The following SLC2A2 variants were observed in gnomAD, a reference collection of about 807,000 sequenced individuals.
SLC2A2 encodes solute carrier family 2 member 2.
SLC2A2 carries 36 observed loss-of-function variants against 54.5 expected under a neutral mutation model. The ratio of observed to expected loss-of-function variants is 0.66; its 90% CI spans 0.51 to 0.87. The LOEUF is 0.87. Among genes scored for constraint, SLC2A2 ranks in the 40% least tolerant of loss-of-function variants. The probability of loss-of-function intolerance (pLI) is 0.00; values close to 1 mark genes in which losing one functional copy is unlikely to be tolerated. For synonymous variants in SLC2A2, 223 were observed against 219.1 expected, an observed-to-expected ratio of 1.02 and a Z score of -0.16; for missense variants, 543 against 624.3, an observed-to-expected ratio of 0.87 and a Z score of 1.39.
At chr3:171,014,867 T>A (rs1325551248) in intron 2 of SLC2A2, 136 bp from the exon 3 acceptor site, 1 of 723,168 alleles carries the variant, frequency 1.4e-6, no homozygotes, top group African/African-American at 1.8e-5. Context: ...CATGGATAGA[T>A]TTGTTTACAG....
chr3:171,014,045 T>A (rs1716013087), intron 3 of SLC2A2, among the ~76,000 whole-genome samples: 1 of 152,202 alleles, frequency 6.6e-6, no homozygotes, highest in African/African-American at 2.4e-5. Flanking sequence ...CTGATCCGAA[T>A]GCCAAATTCT....
At chr3:171,008,114 C>G (rs1715696058) in intron 4 of SLC2A2, among the ~76,000 whole-genome samples, 2 of 152,080 alleles carry the variant, frequency 1.3e-5, no homozygotes, top group African/African-American at 4.8e-5. Flanking sequence ...ATTTTCTTAA[C>G]TATTTAAAAA....
Position 171,018,515 on chromosome 3 carries a change from T to C in SLC2A2, c.108+16A>G, listed in dbSNP as rs755762117. 4.5e-6 allele frequency: 7 copies of C among 1,561,356 alleles called. No individual in the cohort carries two copies. The Admixed American group carries it at 1.0e-4, about 22-fold the overall frequency. Reference sequence around the variant, plus strand: ...CAGAACTTGCCAAAAAGAGAACTTCTACATATTTCACTTGCCTGTTGAGGT... The same window carrying C: ...CAGAACTTGCCAAAAAGAGAACTTCCACATATTTCACTTGCCTGTTGAGGT... On this transcript the variant is annotated intron_variant, in intron 2 of 10. Transcript: ENST00000314251.
At chr3:171,023,213 C>T (rs1489470644) in intron 1 of SLC2A2, among the ~76,000 whole-genome samples, 1 of 152,170 alleles carries the variant, frequency 6.6e-6, no homozygotes, top group Admixed American at 6.5e-5. Flanking sequence ...CCAGGTTGGT[C>T]AGATAAGGAG....
At position 171,009,993 on chromosome 3, in the gene SLC2A2, A is replaced by G; in HGVS notation, c.461T>C (p.Ile154Thr). 1 of 1,611,686 alleles carries G rather than the reference A, an allele frequency of 6.2e-7. No individual in the cohort carries two copies. Among genetic ancestry groups the G allele is most frequent in the Non-Finnish European group, 8.5e-7 (1 of 1,178,828 alleles). Residue 154 changes from isoleucine (I) to threonine (T), a missense_variant, in exon 4 of 11, where the codon ATA (isoleucine) becomes ACA (threonine). Physicochemically the swap from Ile to Thr is moderately conservative, Grantham distance 89 (BLOSUM62 -1). Around this residue, in one of 3 missense-constraint regions of SLC2A2, gnomAD observed 318 missense variants for 343.8 expected, o/e 0.93. Transcript: ENST00000314251. ...FSKLGPSHIL[I>T]IAGRSISGLY... is the part of the protein sequence containing the mutation. ...TCCTGATATGCTTCTTCCAGCAATTATAAGTATATGAGATGGTCCCAATTT... is the reference window on the plus strand; with the variant it reads ...TCCTGATATGCTTCTTCCAGCAATTGTAAGTATATGAGATGGTCCCAATTT...
intron 1 of SLC2A2, among the ~76,000 whole-genome samples, chr3:171,021,291 CT>C (rs1447845825): frequency 7.2e-5 from 11 of 152,182 alleles, no homozygotes; most frequent in Non-Finnish European, 1.2e-4. Context: ...CTTTAACCCA[CT>C]TCCCTCATAC....
intron 1 of SLC2A2, among the ~76,000 whole-genome samples, chr3:171,023,553 G>A (rs544262090): frequency 5.9e-5 from 9 of 152,232 alleles, no homozygotes; most frequent in Admixed American, 2.0e-4. Context: ...AATAAGCCCC[G>A]TCAACCTTCA....
chr3:171,009,947 GTGTGACTT>G lies in SLC2A2; in HGVS notation c.496+3_496+10del, dbSNP rs1461166544. 6.3e-7 allele frequency: 1 copy of G among 1,584,824 alleles called. No individual in the cohort carries two copies. Among genetic ancestry groups the G allele is most frequent in the African/African-American group, 1.4e-5 (1 of 73,968 alleles). On this transcript the variant is annotated splice_donor_5th_base_variant and intron_variant, in intron 4 of 10. Transcript: ENST00000314251. ...TGTGTGTGTGTGTGTGTGTGTGTGT[GTGTGACTT>G]ACCACAATATAGTCCTGATATGCTT...
At position 171,007,273 on chromosome 3, in the gene SLC2A2, A is replaced by G; in HGVS notation, c.497-10T>C. The G allele has an allele frequency of 1.3e-6, 2 of 1,506,164 alleles. No homozygotes were observed. Among genetic ancestry groups the G allele is most frequent in the Non-Finnish European group, 1.8e-6 (2 of 1,082,444 alleles). The allele number at this position is 1,506,164 out of a possible 1,614,324, so 93.3% of individuals were successfully genotyped here. A position where few individuals can be genotyped will look rare whatever the true frequency, so the allele number is the denominator to read the frequency against. ...AGGCCTGAAATTAGCCCTGCATGAA[A>G]CATAAACATAAATGTTAAAGTGCAA... is the stretch of plus-strand genomic sequence containing the variant. On this transcript the variant is annotated splice_polypyrimidine_tract_variant and intron_variant, in intron 4 of 10. Coordinates refer to ENST00000314251, the MANE Select transcript of SLC2A2 (RefSeq NM_000340.2).
intron 7 of SLC2A2, among the ~76,000 whole-genome samples, chr3:171,003,976 A>G (rs1395988918): frequency 6.6e-6 from 1 of 152,004 alleles, no homozygotes; most frequent in Non-Finnish European, 1.5e-5. Flanking sequence ...CCTTTCTAAT[A>G]GCCTTTTAAA....
Position 171,026,699 on chromosome 3 carries a change from A to G in SLC2A2, c.-29T>C. ...ACTAGTTGGGAGTCCTGTCAATTCC[A>G]GGTCTTGTGTGAGTGTGGCACATGC... On this transcript the variant is annotated 5_prime_UTR_variant, in exon 1 of 11. Transcript: ENST00000314251. The G allele has an allele frequency of 6.2e-7, 1 of 1,609,682 alleles. No homozygotes were observed. Among genetic ancestry groups the G allele is most frequent in the East Asian group, 2.2e-5 (1 of 44,864 alleles).
Position 171,018,566 on chromosome 3 carries a change from C to T in SLC2A2, c.73G>A (p.Gly25Arg). Residue 25 changes from glycine to arginine, a missense_variant, in exon 2 of 11, where the codon GGA (glycine) becomes AGA (arginine). Transcript: ENST00000314251. ...GCATTGATCACACCAATGTCATATC[C>T]AAACTGGAAGGAACCCAGCACAGCA... is the stretch of plus-strand genomic sequence containing the variant. ...ITAVLGSFQFGYDIGVINAPQ... is the reference protein window; with the variant it reads ...ITAVLGSFQFRYDIGVINAPQ... 6.2e-7 allele frequency: 1 copy of T among 1,613,978 alleles called. No homozygotes were observed.
chr3:171,004,989 G>T (rs183712858), intron 7 of SLC2A2, among the ~76,000 whole-genome samples: 1 of 151,946 alleles, frequency 6.6e-6, no homozygotes, highest in East Asian at 1.9e-4. Context: ...TTGGGGGAGG[G>T]TTGTATAATT....
chr3:170,999,301 T>C, intron 8 of SLC2A2, 135 bp from the exon 9 acceptor site: 2 of 700,996 alleles, frequency 2.9e-6, no homozygotes, highest in Non-Finnish European at 5.2e-6. Flanking sequence ...CCTTCCATTT[T>C]ACAGGAGTGA....
chr3:170,999,969 C>CAA (rs373829004), intron 8 of SLC2A2, among the ~76,000 whole-genome samples: 151 of 152,032 alleles, frequency 9.9e-4, no homozygotes, highest in African/African-American at 3.5e-3. Flanking sequence ...GGAATATTAC[C>CAA]AAGGCTGGTG....
chr3:170,997,894 G>GTTT lies in SLC2A2; in HGVS notation c.*6_*8dup. 1 of 1,432,986 alleles carries GTTT rather than the reference G, an allele frequency of 7.0e-7. No homozygotes were observed. Among genetic ancestry groups the GTTT allele is most frequent in the South Asian group, 1.2e-5 (1 of 80,014 alleles). The allele number at this position is 1,432,986 out of a possible 1,614,324, so 88.8% of individuals were successfully genotyped here. A position where few individuals can be genotyped will look rare whatever the true frequency, so the allele number is the denominator to read the frequency against. On this transcript the variant is annotated 3_prime_UTR_variant, in exon 11 of 11. Transcript: ENST00000314251. ...GTTTCTGTTCATGTCAAAAAGCAGG[G>GTTT]TTTTTTTTTTACACAGTCTCTGTAG... is the stretch of plus-strand genomic sequence containing the variant.
At position 171,010,052 on chromosome 3, in the gene SLC2A2, CAG is replaced by C; in HGVS notation, c.400_401del (p.Leu134ValfsTer44). 1.2e-6 allele frequency: 2 copies of C among 1,612,732 alleles called. No homozygotes were observed. The highest frequency in any genetic ancestry group is 1.7e-6 in the Non-Finnish European group (2 of 1,179,182). On this transcript the variant is annotated frameshift_variant, in exon 4 of 11. Coordinates refer to ENST00000314251, the MANE Select transcript of SLC2A2 (RefSeq NM_000340.2). LOFTEE classifies it high-confidence loss of function. Reference sequence around the variant, plus strand: ...CCATCAAGAGAGCTCCAACTAATGACAGAATGTTTGCTACTAACATGGCTTTG... The same window carrying C: ...CCATCAAGAGAGCTCCAACTAATGACAATGTTTGCTACTAACATGGCTTTG... ...RIKAMLVANILSLVGALLMGF... is the reference protein window; with the variant it reads ...RIKAMLVANIXSLVGALLMGF...
At chr3:171,006,946 A>T (rs1321781381) in intron 5 of SLC2A2, among the ~76,000 whole-genome samples, 1 of 151,678 alleles carries the variant, frequency 6.6e-6, no homozygotes, top group Admixed American at 6.6e-5. Context: ...TGAACGAAAA[A>T]CTCTATGTCT....
At chr3:171,021,007 A>G (rs139155713) in intron 1 of SLC2A2, among the ~76,000 whole-genome samples, 1 of 151,948 alleles carries the variant, frequency 6.6e-6, no homozygotes. Context: ...CACGTGAATT[A>G]TATATATTAT....
Sources: gnomAD v4.1 joint callset for allele counts (sites outside exome capture counted in the v4.1 genomes callset) on GRCh38, gnomAD v4.1.1 for gene constraint, gnomAD v4.1.1 regional missense constraint, MANE v1.5 for transcripts, NCBI Gene and HGNC (gene_info 2026-07-23, HGNC 2026-07-21) for gene names.